ATG4C: variants seen among roughly 807,000 people sequenced by gnomAD.
The protein encoded by ATG4C is cysteine protease ATG4C.
Under a neutral mutation model 57.6 loss-of-function variants are expected in ATG4C, and 56 were observed. The ratio of observed to expected loss-of-function variants is 0.97; its 90% CI spans 0.78 to 1.21. ATG4C has a LOEUF of 1.21. ATG4C is among the 50% of genes most tolerant of loss of function. ATG4C has a pLI of 0.00. For synonymous variants in ATG4C, 157 were observed against 174.1 expected (o/e 0.90, Z 0.78); for missense variants, 595 against 529.8 (o/e 1.12, Z -1.21).
At chr1:62,823,305 T>C (rs972332448) in intron 6 of ATG4C, among the ~76,000 whole-genome samples, 16 of 152,246 alleles carry the variant, frequency 1.1e-4, no homozygotes, top group African/African-American at 3.6e-4. Flanking sequence ...CACCCCTTTT[T>C]CTTCCTATTT....
intron 3 of ATG4C, among the ~76,000 whole-genome samples, chr1:62,813,270 G>A (rs2100308667): frequency 6.6e-6 from 1 of 152,134 alleles, no homozygotes; most frequent in Non-Finnish European, 1.5e-5. Context: ...CAATGGAACA[G>A]AACAGAGGCC....
chr1:62,864,182 TA>T lies in ATG4C; in HGVS notation c.*25del. On this transcript the variant is annotated 3_prime_UTR_variant, in exon 11 of 11. Coordinates refer to ENST00000317868, the MANE Select transcript of ATG4C (RefSeq NM_032852.4). The stretch of plus-strand genomic sequence containing the variant: ...TAAAGATTAGCACATTTGTGCTTGA[TA>T]AGAAGAATTCCATTGAAAGGGGAAA... 1 of 1,567,490 alleles carries T rather than the reference TA, an allele frequency of 6.4e-7. No individual in the cohort carries two copies. Among genetic ancestry groups the T allele is most frequent in the Admixed American group, 2.1e-5 (1 of 46,610 alleles).
rs184565554 is a variant in ATG4C at position 62,842,338 on chromosome 1, G to C, written c.1209+791G>C. ...TTTTTTGAGACTAGGTTTCACTCTT[G>C]TTGCCCAGGCTGGAGTGCAATGGCG... On this transcript the variant is annotated intron_variant, in intron 10 of 10. Coordinates refer to ENST00000317868, the MANE Select transcript of ATG4C (RefSeq NM_032852.4). Among the ~76,000 whole-genome samples, 1,062 of 127,846 alleles carry C rather than the reference G, an allele frequency of 8.3e-3. 7 individuals are homozygous for C. In the Middle Eastern group the frequency reaches 0.091, roughly 11 times the overall value. 83.9% of individuals were successfully genotyped at this position (127,846 alleles called of 152,430 possible).
intron 3 of ATG4C, among the ~76,000 whole-genome samples, chr1:62,809,706 A>G (rs2100303337): frequency 6.6e-6 from 1 of 150,780 alleles, no homozygotes; most frequent in South Asian, 2.1e-4. Context: ...ATAATAAAGA[A>G]CCACAAATGA....
rs1277607964 is a variant in ATG4C at position 62,865,322 on chromosome 1, A to T, written c.*1163A>T. 6.6e-6 allele frequency: 1 copy of T among 151,912 alleles called. No homozygotes were observed. Among genetic ancestry groups the T allele is most frequent in the African/African-American group, 2.4e-5 (1 of 41,430 alleles). The allele number at this position is 151,912 out of a possible 1,614,324, so 9.4% of individuals were successfully genotyped here. On this transcript the variant is annotated 3_prime_UTR_variant, in exon 11 of 11. Coordinates refer to ENST00000317868, the MANE Select transcript of ATG4C (RefSeq NM_032852.4). The stretch of plus-strand genomic sequence containing the variant: ...ATGTTTCAGTGTAGAAACGTGACTT[A>T]TAAAGACATAAAATTGTGTATCATC...
At chr1:62,840,155 C>T (rs778436804) in intron 9 of ATG4C, among the ~76,000 whole-genome samples, 3 of 152,008 alleles carry the variant, frequency 2.0e-5, no homozygotes, top group Non-Finnish European at 2.9e-5. Flanking sequence ...GCTCCCCTCC[C>T]CTCCCCTCCC....
At chr1:62,863,962 T>C in intron 10 of ATG4C, 30 bp from the exon 11 acceptor site, 1 of 1,484,882 alleles carries the variant, frequency 6.7e-7, no homozygotes, top group Non-Finnish European at 9.1e-7. Flanking sequence ...TTGCATCCAA[T>C]AAGGAATTCT....
chr1:62,815,226 T>A (rs759114416), intron 3 of ATG4C, among the ~76,000 whole-genome samples: 3 of 152,130 alleles, frequency 2.0e-5, no homozygotes. Flanking sequence ...TGCTTTTGGA[T>A]TGAGTATTTT....
intron 1 of ATG4C, among the ~76,000 whole-genome samples, chr1:62,786,224 G>T (rs192411775): frequency 6.6e-6 from 1 of 152,136 alleles, no homozygotes; most frequent in African/African-American, 2.4e-5. Flanking sequence ...TATAAAGAGC[G>T]TTAAATCAAC....
Position 62,834,181 on chromosome 1 carries a change from G to T in ATG4C, c.1012+65G>T, listed in dbSNP as rs921454236. ...TTTAAAAGTCAGAAAGTTAATATGA[G>T]ATCATCTGGAAACAGGATGATTAAC... On this transcript the variant is annotated intron_variant, in intron 8 of 10. Coordinates refer to ENST00000317868, the MANE Select transcript of ATG4C (RefSeq NM_032852.4). 81 of 1,453,030 alleles carry T rather than the reference G, an allele frequency of 5.6e-5. No individual in the cohort carries two copies. The Admixed American group carries it at 1.0e-3, about 18-fold the overall frequency. 90.0% of individuals were successfully genotyped at this position (1,453,030 alleles called of 1,614,324 possible).
chr1:62,834,938 A>C (rs572605818), intron 9 of ATG4C, 86 bp downstream of exon 9: 4 of 1,102,076 alleles, frequency 3.6e-6, no homozygotes, highest in Non-Finnish European at 4.0e-6. Context: ...CTATGCTTTT[A>C]CGGTATTATA....
chr1:62,793,597 G>GAAA (rs746057232), intron 1 of ATG4C, among the ~76,000 whole-genome samples: 102 of 20,504 alleles, frequency 5.0e-3, no homozygotes, highest in African/African-American at 0.019. Flanking sequence ...ACCTTGTCTC[G>GAAA]AAAAAAAAAA....
At chr1:62,790,852 C>T (rs1664253773) in intron 1 of ATG4C, among the ~76,000 whole-genome samples, 1 of 152,134 alleles carries the variant, frequency 6.6e-6, no homozygotes, top group South Asian at 2.1e-4. Context: ...TGTTTGTGAA[C>T]ATTTTAAACA....
chr1:62,850,151 A>G (rs1248709416), intron 10 of ATG4C, among the ~76,000 whole-genome samples: 4 of 152,046 alleles, frequency 2.6e-5, no homozygotes, highest in Non-Finnish European at 5.9e-5. Flanking sequence ...TGACAACTCC[A>G]TTTTCCTGGG....
chr1:62,836,352 G>C (rs972743711), intron 9 of ATG4C, among the ~76,000 whole-genome samples: 1 of 151,978 alleles, frequency 6.6e-6, no homozygotes, highest in African/African-American at 2.4e-5. Flanking sequence ...TATATAGTGG[G>C]ACACTTATAG....
chr1:62,840,453 T>C (rs1666133446), intron 9 of ATG4C, among the ~76,000 whole-genome samples: 3 of 152,246 alleles, frequency 2.0e-5, no homozygotes, highest in African/African-American at 7.2e-5. Flanking sequence ...TATATAAATA[T>C]GAATATACAG....
chr1:62,835,762 G>A (rs1665979459), intron 9 of ATG4C, among the ~76,000 whole-genome samples: 1 of 152,028 alleles, frequency 6.6e-6, no homozygotes, highest in African/African-American at 2.4e-5. Context: ...GCATCTGGAG[G>A]CCAGAGGTCA....
At chr1:62,818,956 A>G in intron 4 of ATG4C, 49 bp from the exon 5 acceptor site, 1 of 1,354,392 alleles carries the variant, frequency 7.4e-7, no homozygotes, top group Non-Finnish European at 9.9e-7. Context: ...TAGAATTGTT[A>G]AAGTATCTAT....
At chr1:62,855,271 A>G (rs564094090) in intron 10 of ATG4C, among the ~76,000 whole-genome samples, 17 of 152,140 alleles carry the variant, frequency 1.1e-4, no homozygotes, top group Admixed American at 1.0e-3. Context: ...CTAACTCACA[A>G]ACTTAGGTTG....
Sources: gnomAD v4.1 joint callset for allele counts (sites outside exome capture counted in the v4.1 genomes callset) on GRCh38, gnomAD v4.1.1 for gene constraint, MANE v1.5 for transcripts, NCBI Gene and HGNC (gene_info 2026-07-23, HGNC 2026-07-21) for gene names.